DHX57: variants seen among roughly 807,000 people sequenced by gnomAD.
DHX57 encodes DExH-box helicase 57.
DHX57 carries 105 observed loss-of-function variants against 156.2 expected under a neutral mutation model. The ratio of observed to expected loss-of-function variants is 0.67; its 90% CI spans 0.57 to 0.79. The LOEUF (loss-of-function observed/expected upper bound fraction) is 0.79. Among genes scored for constraint, DHX57 ranks in the 30% least tolerant of loss-of-function variants. The pLI, the probability that DHX57 is intolerant of heterozygous loss-of-function variation, is 0.00. For missense variants in DHX57, 1,847 were observed against 1,661.9 expected (o/e 1.11, Z -1.94); for synonymous variants, 704 against 595.6 (o/e 1.18, Z -2.65).
intron 12 of DHX57, among the ~76,000 whole-genome samples, chr2:38,841,763 T>G (rs1259241031): frequency 1.3e-5 from 2 of 152,122 alleles, no homozygotes; most frequent in African/African-American, 2.4e-5. Flanking sequence ...GCAAAAGTAG[T>G]GATCCTGGGG....
At chr2:38,846,799 A>C (rs1672308739) in intron 11 of DHX57, among the ~76,000 whole-genome samples, 1 of 152,152 alleles carries the variant, frequency 6.6e-6, no homozygotes. Flanking sequence ...CACATGTATT[A>C]GTATTCTGGC....
intron 7 of DHX57, 149 bp downstream of exon 7, chr2:38,856,191 C>A: frequency 9.3e-7 from 1 of 1,075,914 alleles, no homozygotes; most frequent in South Asian, 1.9e-5. Context: ...AAGTCTTCAG[C>A]TGGATTTTTT....
rs202075174 is a variant in DHX57, at chr2:38,802,796, T to C, written c.3936A>G (p.Gln1312=). 24 of 1,614,164 alleles carry C rather than the reference T, an allele frequency of 1.5e-5. No individual in the cohort carries two copies. Among genetic ancestry groups the C allele is most frequent in the East Asian group, 4.5e-5 (2 of 44,878 alleles). ...VYPLVLFGGG[Q]VNVQLQRGEF... ...CTCCTCTTTGAAGCTGCACATTCACTTGGCCTCCTCCAAACAAGACCAGCG... is the reference window on the plus strand; with the variant it reads ...CTCCTCTTTGAAGCTGCACATTCACCTGGCCTCCTCCAAACAAGACCAGCG... Residue 1312 remains glutamine (Q), a synonymous_variant, in exon 23 of 24, where the codon CAA becomes CAG. Coordinates refer to ENST00000457308, the MANE Select transcript of DHX57 (RefSeq NM_198963.3).
intron 21 of DHX57, among the ~76,000 whole-genome samples, chr2:38,808,824 A>T (rs1670087501): frequency 1.3e-5 from 2 of 152,118 alleles, no homozygotes; most frequent in Non-Finnish European, 2.9e-5. Context: ...GGGTCTTGCT[A>T]TGTTGCCCAG....
chr2:38,832,544 T>C (rs1219554289), intron 13 of DHX57, among the ~76,000 whole-genome samples: 1 of 25,114 alleles, frequency 4.0e-5, no homozygotes, highest in Non-Finnish European at 2.7e-4. Context: ...TATATATATA[T>C]ATATATATTT....
At position 38,861,118 on chromosome 2, in the gene DHX57, T is replaced by C; in HGVS notation, c.1292A>G (p.Lys431Arg). The C allele has an allele frequency of 6.2e-6, 10 of 1,614,214 alleles. No individual in the cohort carries two copies. The highest frequency in any genetic ancestry group is 8.5e-6 in the Non-Finnish European group (10 of 1,180,016). The part of the protein sequence containing the change: ...IVKLLTNTHH[K>R]YSDPPVNFLP... ...AAAGTTCACAGGAGGGTCACTATACTTGTGGTGGGTATTCGTTAGTAACTT... is the reference window on the plus strand; with the variant it reads ...AAAGTTCACAGGAGGGTCACTATACCTGTGGTGGGTATTCGTTAGTAACTT... The change falls in exon 5 of 24, where the codon AAG becomes AGG. Residue 431 changes from lysine to arginine, a missense_variant. By Grantham distance (26) the Lys-to-Arg change is conservative (BLOSUM62 2). Transcript: ENST00000457308.
At chr2:38,839,143 G>T (rs1258391740) in intron 12 of DHX57, among the ~76,000 whole-genome samples, 1 of 151,634 alleles carries the variant, frequency 6.6e-6, no homozygotes, top group Non-Finnish European at 1.5e-5. Flanking sequence ...TGTTGGTCAG[G>T]CTGGTCTCGA....
In DHX57 at chr2:38,828,350, G is replaced by A. The variant is rs777784063; in HGVS notation, c.2629C>T (p.Arg877Cys). 37 of 1,611,226 alleles carry A rather than the reference G, an allele frequency of 2.3e-5. No homozygotes were observed. Among genetic ancestry groups the A allele is most frequent in the South Asian group, 5.5e-5 (5 of 90,554 alleles). ...AAGCAATTAGCTTACCGATTACTACGTCTGTTGTTGAAAAGAGAATTAGAC... is the reference window on the plus strand; with the variant it reads ...AAGCAATTAGCTTACCGATTACTACATCTGTTGTTGAAAAGAGAATTAGAC... ...LQSNSLFNNR[R>C]SNRCVIHPLH... The change falls in exon 14 of 24, where the codon CGT becomes TGT. Residue 877 changes from arginine (R) to cysteine (C), a missense_variant. Coordinates refer to ENST00000457308, the MANE Select transcript of DHX57 (RefSeq NM_198963.3).
chr2:38,834,629 A>C (rs1426870982), intron 13 of DHX57, among the ~76,000 whole-genome samples: 2 of 152,234 alleles, frequency 1.3e-5, no homozygotes, highest in African/African-American at 4.8e-5. Context: ...CTTGAATAAC[A>C]TCATGGCTAT....
intron 12 of DHX57, among the ~76,000 whole-genome samples, chr2:38,838,242 G>C (rs1671788745): frequency 6.6e-6 from 1 of 152,094 alleles, no homozygotes; most frequent in African/African-American, 2.4e-5. Context: ...GGGACTGCAG[G>C]CATGCACCAC....
intron 11 of DHX57, 147 bp from the exon 12 acceptor site, chr2:38,843,357 T>C (rs1572676818): frequency 1.3e-6 from 1 of 791,958 alleles, no homozygotes; most frequent in East Asian, 2.7e-5. Flanking sequence ...GGATTCTGGC[T>C]GTACCCTATT....
At chr2:38,862,430 G>A (rs542051606) in intron 3 of DHX57, 97 bp from the exon 4 acceptor site, 1 of 1,194,738 alleles carries the variant, frequency 8.4e-7, no homozygotes, top group Non-Finnish European at 1.1e-6. Context: ...ATAGGATCCT[G>A]ACTACTCTTC....
Position 38,858,835 on chromosome 2 carries a change from A to C in DHX57, c.1413T>G (p.Val471=). 2 of 1,606,566 alleles carry C rather than the reference A, an allele frequency of 1.2e-6. No individual in the cohort carries two copies. The highest frequency in any genetic ancestry group is 1.1e-5 in the South Asian group (1 of 88,940). ...NSFVSNQIPE[V]EKASESEESD... is the part of the protein sequence containing the mutation. Reference sequence around the variant, plus strand: ...ACTCCTCAGATTCTGATGCTTTTTCAACTTGAAGGAAATAAAAGAAAACAT... The same window carrying C: ...ACTCCTCAGATTCTGATGCTTTTTCCACTTGAAGGAAATAAAAGAAAACAT... Residue 471 remains valine (V), a splice_region_variant and synonymous_variant, in exon 6 of 24, where the codon GTT becomes GTG. Transcript: ENST00000457308.
At chr2:38,854,797 G>A (rs1672796943) in intron 8 of DHX57, 1 of 317,710 alleles carries the variant, frequency 3.1e-6, no homozygotes, top group Non-Finnish European at 6.0e-6. Flanking sequence ...CCCGACCTCA[G>A]GTGATCCACC....
chr2:38,800,312 C>A (rs1669620379), intron 23 of DHX57, among the ~76,000 whole-genome samples: 1 of 151,896 alleles, frequency 6.6e-6, no homozygotes, highest in Non-Finnish European at 1.5e-5. Flanking sequence ...CGAGATTGCG[C>A]CACTGCACTC....
At chr2:38,841,595 C>G (rs531586580) in intron 12 of DHX57, among the ~76,000 whole-genome samples, 29 of 152,288 alleles carry the variant, frequency 1.9e-4, no homozygotes, top group Middle Eastern at 6.8e-3. Flanking sequence ...AATTCATTTG[C>G]CTTGTATCCT....
At chr2:38,833,582 A>G (rs964256517) in intron 13 of DHX57, among the ~76,000 whole-genome samples, 20 of 152,342 alleles carry the variant, frequency 1.3e-4, no homozygotes, top group Admixed American at 7.8e-4. Flanking sequence ...TTCTAGGGAT[A>G]AGGGACTGCA....
At chr2:38,861,873 A>T (rs754289443) in intron 4 of DHX57, 36 bp from the exon 5 acceptor site, 8 of 1,540,672 alleles carry the variant, frequency 5.2e-6, no homozygotes, top group Non-Finnish European at 7.0e-6. Flanking sequence ...ATGACACATA[A>T]AAAGCAGTAT....
intron 21 of DHX57, among the ~76,000 whole-genome samples, chr2:38,812,265 A>AT (rs11426401): frequency 0.56 from 84,639 of 151,944 alleles, 25,240 homozygotes; most frequent in East Asian, 0.81. Flanking sequence ...AGCACAAACA[A>AT]TTTTTTAAAA....
Sources: allele counts gnomAD v4.1 joint callset (sites outside exome capture counted in the v4.1 genomes callset), GRCh38; gene constraint gnomAD v4.1.1; transcripts MANE v1.5; gene names NCBI Gene and HGNC (gene_info 2026-07-23, HGNC 2026-07-21).